Variants in TBC1D22A observed in about 807,000 individuals in gnomAD.
The protein encoded by TBC1D22A is putative GTPase activator.
Under a neutral mutation model 60.2 loss-of-function variants are expected in TBC1D22A, and 38 were observed. The observed-to-expected ratio is 0.63, with a 90% CI of 0.49 to 0.83. The LOEUF is 0.83. Ranked by LOEUF, TBC1D22A falls within the 40% of genes least tolerant of loss-of-function variation. TBC1D22A has a pLI of 0.00. For synonymous variants in TBC1D22A, 302 were observed against 281.7 expected (o/e 1.07, Z -0.72); for missense variants, 628 against 701.0 (o/e 0.90, Z 1.18).
At chr22:47,004,075 C>G (rs548796520) in intron 10 of TBC1D22A, among the ~76,000 whole-genome samples, 1 of 150,958 alleles carries the variant, frequency 6.6e-6, no homozygotes, top group African/African-American at 2.4e-5. Context: ...ACACACATGC[C>G]TGTATACACA....
chr22:47,004,005 C>T (rs893514049), intron 10 of TBC1D22A, among the ~76,000 whole-genome samples: 2 of 150,032 alleles, frequency 1.3e-5, no homozygotes, highest in Admixed American at 6.6e-5. Context: ...TACACACACC[C>T]TACGCACGCA....
intron 4 of TBC1D22A, among the ~76,000 whole-genome samples, chr22:46,809,048 G>T (rs1035445083): frequency 6.6e-6 from 1 of 152,240 alleles, no homozygotes; most frequent in African/African-American, 2.4e-5. Flanking sequence ...GAATAGGTTA[G>T]TGTATTAATT....
rs2069961959 is a variant in TBC1D22A, at chr22:46,911,982, T to C, written c.901-92T>C. On this transcript the variant is annotated intron_variant, in intron 7 of 12. Coordinates refer to ENST00000337137, the MANE Select transcript of TBC1D22A (RefSeq NM_014346.5). ...CTTAATATTAGGAGCAATGAGAAAA[T>C]ACAGTGTACATTTTAAGTAATAGAA... The C allele has an allele frequency of 7.6e-6, 6 of 787,568 alleles. No individual in the cohort carries two copies. The Admixed American group carries it at 1.3e-4, about 18-fold the overall frequency. The allele number at this position is 787,568 out of a possible 1,614,324, so 48.8% of individuals were successfully genotyped here.
intron 12 of TBC1D22A, among the ~76,000 whole-genome samples, chr22:47,131,218 T>C (rs1211997362): frequency 2.0e-5 from 3 of 152,168 alleles, no homozygotes; most frequent in Non-Finnish European, 4.4e-5. Context: ...ACCATGAGAT[T>C]GAGAGGGCAT....
At chr22:46,868,973 A>G (rs931028117) in intron 4 of TBC1D22A, among the ~76,000 whole-genome samples, 4 of 152,176 alleles carry the variant, frequency 2.6e-5, no homozygotes, top group African/African-American at 9.7e-5. Context: ...GCTCCAACAC[A>G]GCCCTTTCTG....
At chr22:46,767,807 A>AC (rs2083337084) in intron 1 of TBC1D22A, among the ~76,000 whole-genome samples, 12 of 152,190 alleles carry the variant, frequency 7.9e-5, no homozygotes, top group Admixed American at 7.2e-4. Context: ...GAGGACTCCC[A>AC]GAGCGATGCT....
intron 12 of TBC1D22A, among the ~76,000 whole-genome samples, chr22:47,134,326 T>A (rs1235676667): frequency 1.3e-5 from 2 of 152,212 alleles, no homozygotes; most frequent in African/African-American, 4.8e-5. Context: ...ATTTTCCCAC[T>A]TTGCAGCCTT....
intron 12 of TBC1D22A, among the ~76,000 whole-genome samples, chr22:47,118,601 A>G (rs1444061790): frequency 1.3e-5 from 2 of 152,230 alleles, no homozygotes; most frequent in Non-Finnish European, 2.9e-5. Context: ...AACTTATGAT[A>G]AAGACAATAA....
intron 4 of TBC1D22A, among the ~76,000 whole-genome samples, chr22:46,864,456 C>T (rs935175029): frequency 2.6e-5 from 4 of 152,190 alleles, no homozygotes; most frequent in African/African-American, 4.8e-5. Flanking sequence ...GGAAGTGAAA[C>T]CTTGTTGAAA....
In TBC1D22A at chr22:47,009,303, T is replaced by C. The variant is rs541049706; in HGVS notation, c.1201+11594T>C. ...GTCATCACCAGCATCATAAACACCA[T>C]CATCACCACCATCATGTCATCATCA... On this transcript the variant is annotated intron_variant, in intron 10 of 12. Coordinates refer to ENST00000337137, the MANE Select transcript of TBC1D22A (RefSeq NM_014346.5). This position sits in a 1 kb window ranked among gnomAD's most constrained non-coding sequence, Gnocchi z 5.8. Among the ~76,000 whole-genome samples, 18 of 151,804 alleles carry C rather than the reference T, an allele frequency of 1.2e-4. No homozygotes were observed. Among genetic ancestry groups the C allele is most frequent in the African/African-American group, 4.4e-4 (18 of 41,368 alleles).
chr22:47,124,709 C>G (rs942012373), intron 12 of TBC1D22A, among the ~76,000 whole-genome samples: 1 of 151,940 alleles, frequency 6.6e-6, no homozygotes, highest in Admixed American at 6.6e-5. Flanking sequence ...GCGAGGGGGA[C>G]AGACGGGGGG....
At chr22:46,949,829 G>A (rs2072787818) in intron 8 of TBC1D22A, among the ~76,000 whole-genome samples, 1 of 152,218 alleles carries the variant, frequency 6.6e-6, no homozygotes, top group Non-Finnish European at 1.5e-5. Flanking sequence ...CGGGAGTGGT[G>A]AGCACCATGC....
intron 1 of TBC1D22A, among the ~76,000 whole-genome samples, chr22:46,788,094 G>T (rs1279210253): frequency 6.6e-6 from 1 of 151,954 alleles, no homozygotes. Context: ...CCGCCACCAC[G>T]ACCGGGTAAT....
chr22:46,899,978 A>G (rs2147671970), intron 7 of TBC1D22A, among the ~76,000 whole-genome samples: 1 of 152,184 alleles, frequency 6.6e-6, no homozygotes, highest in East Asian at 1.9e-4. Context: ...CTATCGAAAC[A>G]TTTGCTTATC....
In TBC1D22A at chr22:47,037,097, C is replaced by T; in HGVS notation, c.1228C>T (p.His410Tyr). The T allele has an allele frequency of 6.2e-7, 1 of 1,613,936 alleles. No individual in the cohort carries two copies. The highest frequency in any genetic ancestry group is 8.5e-7 in the Non-Finnish European group (1 of 1,179,856). The change falls in exon 11 of 13, where the codon CAC (histidine) becomes TAC (tyrosine). Residue 410 changes from histidine (H) to tyrosine (Y), a missense_variant. Physicochemically the swap from His to Tyr is moderately conservative, Grantham distance 83. Transcript: ENST00000337137. ...DEQVHRHLDQ[H>Y]EVRYLQFAFR... ...GCAAGTGCACCGGCACCTGGACCAA[C>T]ACGAAGTGAGATACCTGCAGTTTGC...
intron 11 of TBC1D22A, among the ~76,000 whole-genome samples, chr22:47,073,514 G>A (rs1240547886): frequency 6.6e-6 from 1 of 152,096 alleles, no homozygotes; most frequent in African/African-American, 2.4e-5. Context: ...AAACCATGAA[G>A]CCTCATAAAT....
At chr22:47,118,242 A>T (rs944726644) in intron 12 of TBC1D22A, among the ~76,000 whole-genome samples, 2 of 152,226 alleles carry the variant, frequency 1.3e-5, no homozygotes, top group African/African-American at 4.8e-5. Flanking sequence ...CTAAGTATTT[A>T]TGGAATACTT....
chr22:46,900,095 G>A (rs938381043), intron 7 of TBC1D22A, among the ~76,000 whole-genome samples: 8 of 151,124 alleles, frequency 5.3e-5, no homozygotes, highest in Non-Finnish European at 8.8e-5. Flanking sequence ...CTTTATCGAG[G>A]TCTAATAAAA....
chr22:47,154,765 G>A (rs117503011), intron 12 of TBC1D22A, among the ~76,000 whole-genome samples: 3,286 of 152,318 alleles, frequency 0.022, 44 homozygotes, highest in Middle Eastern at 0.037. Context: ...CAGCCCACAC[G>A]GCTGCTCTTC....
Sources: allele counts gnomAD v4.1 joint callset (sites outside exome capture counted in the v4.1 genomes callset), GRCh38; gene constraint gnomAD v4.1.1; non-coding constraint Gnocchi (gnomAD v3.1); transcripts MANE v1.5; gene names NCBI Gene and HGNC (gene_info 2026-07-23, HGNC 2026-07-21).